Variants in ACACB observed in about 807,000 individuals in gnomAD.
The protein encoded by ACACB is acetyl-CoA carboxylase beta.
In ACACB, 209 loss-of-function variants were observed where a neutral mutation model predicts 278.8. The observed-to-expected ratio is 0.75, with a 90% CI of 0.67 to 0.84. ACACB has a LOEUF of 0.84. Among genes scored for constraint, ACACB ranks in the 40% least tolerant of loss-of-function variants. The probability of loss-of-function intolerance (pLI) is 0.00; values close to 1 mark genes in which losing one functional copy is unlikely to be tolerated. For synonymous variants in ACACB, 1,174 were observed against 1,285.6 expected, an observed-to-expected ratio of 0.91 and a Z score of 1.86; for missense variants, 2,850 against 3,269.0, an observed-to-expected ratio of 0.87 and a Z score of 3.13.
At chr12:109,168,472 G>T (rs1011972076) in intron 4 of ACACB, among the ~76,000 whole-genome samples, 3 of 152,110 alleles carry the variant, frequency 2.0e-5, no homozygotes. Flanking sequence ...CAGCCAAAGT[G>T]ACCTTTTAAA....
Position 109,212,849 on chromosome 12 carries a change from T to C in ACACB, c.3263T>C (p.Leu1088Pro). The C allele has an allele frequency of 6.2e-7, 1 of 1,614,080 alleles. No homozygotes were observed. The highest frequency in any genetic ancestry group is 1.1e-5 in the South Asian group (1 of 91,086). Reference protein sequence around the residue: ...QFPSQQIATILDCHAATLQRK... With the variant: ...QFPSQQIATIPDCHAATLQRK... ...TTTCCCATCCAGATAGCCACCATCC[T>C]GGACTGCCATGCAGCCACCCTGCAG... The change falls in exon 22 of 53, where the codon CTG becomes CCG. Residue 1088 changes from leucine (L) to proline (P), a missense_variant. Physicochemically the swap from Leu to Pro is moderately conservative, Grantham distance 98 (BLOSUM62 -3). This residue lies in a region of ACACB where 2,265 missense variants were observed against 2,561.3 expected (regional missense o/e 0.88). Transcript: ENST00000338432.
intron 4 of ACACB, among the ~76,000 whole-genome samples, chr12:109,170,496 A>G (rs575930323): frequency 6.6e-6 from 1 of 152,344 alleles, no homozygotes; most frequent in Admixed American, 6.5e-5. Flanking sequence ...ATGTTACAAC[A>G]CAGATGAACC....
chr12:109,254,087 A>T, intron 43 of ACACB, 127 bp from the exon 44 acceptor site: 1 of 1,140,626 alleles, frequency 8.8e-7, no homozygotes. Context: ...CAGTGGCTTC[A>T]GGAGCCCTAG....
At chr12:109,165,122 A>T (rs886070104) in intron 2 of ACACB, among the ~76,000 whole-genome samples, 61 of 152,232 alleles carry the variant, frequency 4.0e-4, no homozygotes, top group African/African-American at 1.4e-3. Flanking sequence ...CTACTGGAGG[A>T]TATGCCCCAG....
chr12:109,262,320 C>T, intron 48 of ACACB, 37 bp from the exon 49 acceptor site: 1 of 1,543,200 alleles, frequency 6.5e-7, no homozygotes, highest in Non-Finnish European at 8.9e-7. Flanking sequence ...CTGGGCAATG[C>T]CTCATATACC....
chr12:109,258,277 G>C lies in ACACB; in HGVS notation c.6273G>C (p.Gly2091=), dbSNP rs756376971. The C allele has an allele frequency of 2.5e-6, 4 of 1,612,130 alleles. No homozygotes were observed. Among genetic ancestry groups the C allele is most frequent in the Non-Finnish European group, 3.4e-6 (4 of 1,179,666 alleles). Residue 2091 remains glycine (G), a synonymous_variant, in exon 46 of 53, where the codon GGG becomes GGC. Transcript: ENST00000338432. The stretch of plus-strand genomic sequence containing the variant: ...GGTGCTCATTTTCCAGGCTTGGGGG[G>C]ATTCCCGTGGGAGTGATTGCTGTGG... ...TVVTGRARLG[G]IPVGVIAVET...
chr12:109,126,117 G>A (rs188015356), intron 1 of ACACB, among the ~76,000 whole-genome samples: 4 of 152,206 alleles, frequency 2.6e-5, no homozygotes, highest in African/African-American at 7.2e-5. Flanking sequence ...TCACAGCACA[G>A]CAGGGGGAGA....
intron 13 of ACACB, among the ~76,000 whole-genome samples, chr12:109,189,654 G>T (rs16934151): frequency 6.6e-6 from 1 of 152,170 alleles, no homozygotes; most frequent in African/African-American, 2.4e-5. Context: ...TGAGACCAGC[G>T]GGTTAACTCT....
intron 40 of ACACB, among the ~76,000 whole-genome samples, chr12:109,248,252 C>CTCAT (rs2047001624): frequency 6.6e-6 from 1 of 152,136 alleles, no homozygotes; most frequent in Non-Finnish European, 1.5e-5. Context: ...TATTGCAGAC[C>CTCAT]TTCTTAGTAC....
chr12:109,165,729 A>G (rs1446832797), intron 2 of ACACB, among the ~76,000 whole-genome samples: 2 of 152,136 alleles, frequency 1.3e-5, no homozygotes, highest in Non-Finnish European at 2.9e-5. Context: ...ATTACAGTAG[A>G]CTTCTATGGT....
intron 2 of ACACB, among the ~76,000 whole-genome samples, chr12:109,151,139 C>G (rs755739801): frequency 4.7e-4 from 72 of 152,050 alleles, no homozygotes; most frequent in Non-Finnish European, 1.3e-4. Flanking sequence ...CATGCACCAC[C>G]ATGCCCAGCT....
In ACACB at chr12:109,201,535, G is replaced by A. The variant is rs768826743; in HGVS notation, c.2779-32G>A. On this transcript the variant is annotated intron_variant, in intron 18 of 52. Transcript: ENST00000338432. Reference sequence around the variant, plus strand: ...TGGCTCTGGGTGTCAATCCCGGTGGGCTCTGTACTATTTCTTCTTTTTACG... The same window carrying A: ...TGGCTCTGGGTGTCAATCCCGGTGGACTCTGTACTATTTCTTCTTTTTACG... 43 of 1,612,360 alleles carry A rather than the reference G, an allele frequency of 2.7e-5. No homozygotes were observed. In the East Asian group the frequency reaches 9.1e-4, roughly 34 times the overall value.
At chr12:109,187,431 TTTTATTTATTTATTTA>T (rs59491550) in intron 12 of ACACB, among the ~76,000 whole-genome samples, 58 of 146,264 alleles carry the variant, frequency 4.0e-4, no homozygotes, top group South Asian at 1.7e-3. Flanking sequence ...AACTCGCTTA[TTTTATTTATTTATTTA>T]TTTATTTATT....
At chr12:109,230,626 C>T (rs1242094002) in intron 28 of ACACB, among the ~76,000 whole-genome samples, 1 of 152,140 alleles carries the variant, frequency 6.6e-6, no homozygotes, top group Non-Finnish European at 1.5e-5. Flanking sequence ...ATGGGGGTCT[C>T]ACTATGTGGC....
At position 109,212,984 on chromosome 12, in the gene ACACB, G is replaced by T. The variant is rs370430782; in HGVS notation, c.3350+48G>T. The T allele has an allele frequency of 8.6e-6, 13 of 1,518,046 alleles. No homozygotes were observed. In the African/African-American group the frequency reaches 1.8e-4, roughly 21 times the overall value. 94.0% of individuals were successfully genotyped at this position (1,518,046 alleles called of 1,614,324 possible). ...GGATGTGGTTGTCACCTGAATCGTC[G>T]CATGCATTGCACCAGGGTGGTGCTC... On this transcript the variant is annotated intron_variant, in intron 22 of 52. Coordinates refer to ENST00000338432, the MANE Select transcript of ACACB (RefSeq NM_001093.4).
chr12:109,242,364 G>A, intron 36 of ACACB, 73 bp from the exon 37 acceptor site: 1 of 1,523,498 alleles, frequency 6.6e-7, no homozygotes, highest in African/African-American at 1.4e-5. Context: ...TTTCATTGAG[G>A]ACTGGGCAGA....
At chr12:109,190,934 C>G (rs2044854360) in intron 13 of ACACB, among the ~76,000 whole-genome samples, 1 of 152,042 alleles carries the variant, frequency 6.6e-6, no homozygotes, top group Admixed American at 6.6e-5. Context: ...CTGGTTCTTT[C>G]TCTACTAATC....
intron 17 of ACACB, among the ~76,000 whole-genome samples, chr12:109,197,665 G>A (rs1173034965): frequency 6.6e-6 from 1 of 152,088 alleles, no homozygotes; most frequent in East Asian, 1.9e-4. Context: ...AGATGCCCTG[G>A]AAGCTCTTAG....
chr12:109,235,810 T>C (rs1593661906), intron 33 of ACACB, 163 bp downstream of exon 33: 1 of 610,902 alleles, frequency 1.6e-6, no homozygotes, highest in South Asian at 2.1e-5. Flanking sequence ...CCAGCCTGGG[T>C]TATATAGTGA....
Sources: gnomAD v4.1 joint callset for allele counts (sites outside exome capture counted in the v4.1 genomes callset) on GRCh38, gnomAD v4.1.1 for gene constraint, gnomAD v4.1.1 regional missense constraint, MANE v1.5 for transcripts, NCBI Gene and HGNC (gene_info 2026-07-23, HGNC 2026-07-21) for gene names.